The following WDR62 variants were observed in gnomAD, a reference collection of about 807,000 sequenced individuals.
WDR62 encodes WD repeat-containing protein 62.
WDR62 carries 112 observed loss-of-function variants against 160.6 expected under a neutral mutation model. The observed-to-expected ratio is 0.70, with a 90% CI of 0.60 to 0.82. WDR62 has a LOEUF of 0.82. WDR62 is among the 40% of genes least tolerant of loss of function. The probability of loss-of-function intolerance (pLI) is 0.00; values close to 1 mark genes in which losing one functional copy is unlikely to be tolerated. For synonymous variants in WDR62, 792 were observed against 815.1 expected, an observed-to-expected ratio of 0.97 and a Z score of 0.48; for missense variants, 1,819 against 1,983.8, an observed-to-expected ratio of 0.92 and a Z score of 1.58.
intron 9 of WDR62, among the ~76,000 whole-genome samples, chr19:36,080,335 C>T (rs1238113915): frequency 6.6e-6 from 1 of 151,518 alleles, no homozygotes; most frequent in Non-Finnish European, 1.5e-5. Flanking sequence ...AAGATGGTCT[C>T]GATCTCCTGA....
At chr19:36,108,547 G>A (rs1411176482), downstream of WDR62, among the ~76,000 whole-genome samples, 6 of 142,884 alleles carry the variant, frequency 4.2e-5, no homozygotes, top group Non-Finnish European at 6.0e-5. Flanking sequence ...AGGCCTGGAT[G>A]TTTGCCCAGA....
rs1166838090 is a variant in WDR62, at chr19:36,060,048, C to T, written c.332+18C>T. On this transcript the variant is annotated intron_variant, in intron 3 of 31. Coordinates refer to ENST00000401500, the MANE Select transcript of WDR62 (RefSeq NM_001083961.2). ...ACCGCCAGGTAGGCTGAGGCCTGGGCCCGGGGCAGGGGTGGAACCAGGGGC... is the reference window on the plus strand; with the variant it reads ...ACCGCCAGGTAGGCTGAGGCCTGGGTCCGGGGCAGGGGTGGAACCAGGGGC... 1 of 1,613,860 alleles carries T rather than the reference C, an allele frequency of 6.2e-7. No homozygotes were observed. The highest frequency in any genetic ancestry group is 2.2e-5 in the East Asian group (1 of 44,898).
chr19:36,108,803 G>T (rs1207162027), downstream of WDR62, among the ~76,000 whole-genome samples: 1 of 149,872 alleles, frequency 6.7e-6, no homozygotes, highest in Non-Finnish European at 1.5e-5. Context: ...ACAGTGAGCT[G>T]TGTTCACTCC....
intron 7 of WDR62, among the ~76,000 whole-genome samples, chr19:36,069,674 G>A (rs572001088): frequency 4.9e-4 from 75 of 152,356 alleles, no homozygotes; most frequent in Admixed American, 1.1e-3. Flanking sequence ...AGCCAAGATC[G>A]CGCCACTGCA....
At chr19:36,064,501 G>C (rs912236646) in intron 3 of WDR62, among the ~76,000 whole-genome samples, 1 of 152,062 alleles carries the variant, frequency 6.6e-6, no homozygotes, top group Non-Finnish European at 1.5e-5. Context: ...GGGTGGTCTC[G>C]ATCTCCTGAC....
chr19:36,067,253 A>C, intron 5 of WDR62, 53 bp from the exon 6 acceptor site: 4 of 1,613,204 alleles, frequency 2.5e-6, no homozygotes, highest in Non-Finnish European at 3.4e-6. Context: ...AAAGGCACAA[A>C]CAGTCCAGTG....
At chr19:36,075,054 G>T (rs1415599763) in intron 9 of WDR62, 4 of 149,512 alleles carry the variant, frequency 2.7e-5, no homozygotes, top group Non-Finnish European at 4.4e-5. Context: ...TTTTTTTTCA[G>T]ACGGAGTTTC....
At chr19:36,077,313 T>G (rs1177114099) in intron 9 of WDR62, among the ~76,000 whole-genome samples, 1 of 145,250 alleles carries the variant, frequency 6.9e-6, no homozygotes, top group Non-Finnish European at 1.5e-5. Flanking sequence ...AGTCTCACTC[T>G]GTCGCCCAGG....
chr19:36,103,273 G>T, intron 29 of WDR62, 66 bp downstream of exon 29: 1 of 1,611,836 alleles, frequency 6.2e-7, no homozygotes, highest in Admixed American at 1.7e-5. Context: ...GTCCAGCCTA[G>T]CTGTGGGGCG....
Position 36,099,405 on chromosome 19 carries a change from G to A in WDR62, c.2527G>A (p.Asp843Asn). The part of the protein sequence containing the change: ...LPLWAKRLLG[D>N]DDVADGLAFH... Reference sequence around the variant, plus strand: ...CTGTCCGATATCCTTCAAGCTAGGGGACGATGATGTGGCAGATGGCTTGGC... The same window carrying A: ...CTGTCCGATATCCTTCAAGCTAGGGAACGATGATGTGGCAGATGGCTTGGC... Residue 843 changes from aspartate to asparagine, a missense_variant, in exon 22 of 32, where the codon GAC becomes AAC. Physicochemically the swap from Asp to Asn is conservative, Grantham distance 23. Transcript: ENST00000401500. 6.2e-7 allele frequency: 1 copy of A among 1,613,472 alleles called. No individual in the cohort carries two copies. Among genetic ancestry groups the A allele is most frequent in the Non-Finnish European group, 8.5e-7 (1 of 1,179,966 alleles).
At chr19:36,084,527 C>G in intron 11 of WDR62, 126 bp from the exon 12 acceptor site, 2 of 844,742 alleles carry the variant, frequency 2.4e-6, no homozygotes, top group Non-Finnish European at 3.9e-6. Flanking sequence ...TTGTGCATGT[C>G]TAGAGTATTT....
In WDR62 at chr19:36,067,967, A is replaced by T; in HGVS notation, c.839A>T (p.Gln280Leu). 1 of 1,614,182 alleles carries T rather than the reference A, an allele frequency of 6.2e-7. No individual in the cohort carries two copies. Among genetic ancestry groups the T allele is most frequent in the Non-Finnish European group, 8.5e-7 (1 of 1,180,032 alleles). ...FCVSYSGLLCQFNEKRVLEKW... is the reference protein window; with the variant it reads ...FCVSYSGLLCLFNEKRVLEKW... ...GTGTCCTACTCGGGCCTCCTCTGCCAGTTCAATGAGAAGAGGGTGCTGGAG... is the reference window on the plus strand; with the variant it reads ...GTGTCCTACTCGGGCCTCCTCTGCCTGTTCAATGAGAAGAGGGTGCTGGAG... Residue 280 changes from glutamine (Q) to leucine (L), a missense_variant, in exon 7 of 32, where the codon CAG (glutamine) becomes CTG (leucine). Around this residue, in one of 3 missense-constraint regions of WDR62, gnomAD observed 934 missense variants for 1,157.2 expected, o/e 0.81. Coordinates refer to ENST00000401500, the MANE Select transcript of WDR62 (RefSeq NM_001083961.2).
In WDR62 at chr19:36,086,677, C is replaced by G; in HGVS notation, c.1643-10C>G. ...CCTTCAGGAACCAGTCTCATTCTCT[C>G]CTCTCACAGGGCTGACCTTGCTGGC... On this transcript the variant is annotated splice_polypyrimidine_tract_variant and intron_variant, in intron 12 of 31. Transcript: ENST00000401500. 6.3e-7 allele frequency: 1 copy of G among 1,594,990 alleles called. No homozygotes were observed. The highest frequency in any genetic ancestry group is 1.1e-5 in the South Asian group (1 of 88,286).
intron 6 of WDR62, 58 bp from the exon 7 acceptor site, chr19:36,067,770 G>A: frequency 6.3e-7 from 1 of 1,581,360 alleles, no homozygotes; most frequent in Non-Finnish European, 8.7e-7. Flanking sequence ...CCTATCATCT[G>A]GTCATGCAGG....
chr19:36,108,002 G>A (rs1255794473), downstream of WDR62, among the ~76,000 whole-genome samples: 1 of 152,058 alleles, frequency 6.6e-6, no homozygotes, highest in East Asian at 1.9e-4. Context: ...AAACCACCGA[G>A]GCTGGTGCAG....
chr19:36,073,546 C>A lies in WDR62; in HGVS notation c.1233+15C>A, dbSNP rs554017479. The stretch of plus-strand genomic sequence containing the variant: ...GGAACGTGGAGGTGAGCCCCCCCCC[C>A]ACCCCCTTGCCCCTGCTTGGCCTCT... On this transcript the variant is annotated intron_variant, in intron 9 of 31. Coordinates refer to ENST00000401500, the MANE Select transcript of WDR62 (RefSeq NM_001083961.2). 3.6e-4 allele frequency: 541 copies of A among 1,521,352 alleles called. 1 individual carries two copies. In the African/African-American group the frequency reaches 5.1e-3, roughly 14 times the overall value. 94.2% of individuals were successfully genotyped at this position (1,521,352 alleles called of 1,614,324 possible).
chr19:36,108,489 C>G (rs1283430528), downstream of WDR62, among the ~76,000 whole-genome samples: 1 of 152,124 alleles, frequency 6.6e-6, no homozygotes, highest in East Asian at 1.9e-4. Flanking sequence ...CCAACAATTG[C>G]AAAATGGAGA....
intron 3 of WDR62, among the ~76,000 whole-genome samples, chr19:36,064,352 T>C (rs1970821176): frequency 6.6e-6 from 1 of 152,120 alleles, no homozygotes; most frequent in Non-Finnish European, 1.5e-5. Flanking sequence ...CTTGGCTCAC[T>C]GCAAGCTCCG....
chr19:36,065,094 G>T (rs992396573), intron 3 of WDR62, among the ~76,000 whole-genome samples: 2 of 152,274 alleles, frequency 1.3e-5, no homozygotes, highest in African/African-American at 4.8e-5. Context: ...TCATGTAGCT[G>T]TACCTGCATA....
Sources: allele counts gnomAD v4.1 joint callset (sites outside exome capture counted in the v4.1 genomes callset), GRCh38; gene constraint gnomAD v4.1.1; regional missense constraint gnomAD v4.1.1; transcripts MANE v1.5; gene names NCBI Gene and HGNC (gene_info 2026-07-23, HGNC 2026-07-21).